CSMD2: variants seen among roughly 807,000 people sequenced by gnomAD.
The protein encoded by CSMD2 is CUB and Sushi multiple domains 2, also known as CUB and sushi domain-containing protein 2.
CSMD2 carries 130 observed loss-of-function variants against 398.5 expected under a neutral mutation model. That is an observed-to-expected ratio of 0.33 (90% confidence interval 0.28 to 0.38). The LOEUF (loss-of-function observed/expected upper bound fraction) is 0.38, where lower values mean the gene tolerates loss of function less well. Ranked by LOEUF, CSMD2 falls within the 10% of genes least tolerant of loss-of-function variation. The pLI is 1.00. For synonymous variants in CSMD2, 1,828 were observed against 1,908.5 expected (o/e 0.96, Z 1.10); for missense variants, 3,829 against 4,764.9 (o/e 0.80, Z 5.78).
At chr1:33,974,899 T>C (rs553435552) in intron 3 of CSMD2, among the ~76,000 whole-genome samples, 1 of 152,310 alleles carries the variant, frequency 6.6e-6, no homozygotes, top group South Asian at 2.1e-4. Flanking sequence ...TGCACACTTT[T>C]CATCTTTGAG....
chr1:33,824,129 G>T (rs1034066502), intron 7 of CSMD2, among the ~76,000 whole-genome samples: 1 of 152,162 alleles, frequency 6.6e-6, no homozygotes, highest in Admixed American at 6.5e-5. Context: ...GACACAGTTG[G>T]GATAAATATT....
intron 13 of CSMD2, among the ~76,000 whole-genome samples, chr1:33,744,482 C>T (rs1293289982): frequency 6.6e-6 from 1 of 152,130 alleles, no homozygotes; most frequent in Non-Finnish European, 1.5e-5. Context: ...CTATTTCACC[C>T]TAAGGATCCA....
Position 33,716,270 on chromosome 1 carries a change from C to A in CSMD2, c.3217+16G>T. 2 of 1,598,896 alleles carry A rather than the reference C, an allele frequency of 1.3e-6. No homozygotes were observed. Among genetic ancestry groups the A allele is most frequent in the South Asian group, 2.2e-5 (2 of 90,758 alleles). ...CACCATGGTCTCTTCCCCTCAGGGA[C>A]CCTCATACTCTTTACCTGAGAAGGT... On this transcript the variant is annotated intron_variant, in intron 20 of 70. Coordinates refer to ENST00000373381, the MANE Select transcript of CSMD2 (RefSeq NM_001281956.2).
intron 25 of CSMD2, among the ~76,000 whole-genome samples, chr1:33,663,599 C>G (rs1276997210): frequency 6.6e-6 from 1 of 152,158 alleles, no homozygotes; most frequent in Non-Finnish European, 1.5e-5. Context: ...CTTGCTTTCC[C>G]AGAGCAGAAT....
chr1:33,889,050 G>A lies in CSMD2; in HGVS notation c.920+29044C>T, dbSNP rs958217234. Among the ~76,000 whole-genome samples, 9 of 152,270 alleles carry A rather than the reference G, an allele frequency of 5.9e-5. No homozygotes were observed. The South Asian group carries it at 8.3e-4, about 14-fold the overall frequency. ...CTCCCAAAGTGCTGGGATTACAGGC[G>A]TGAGCCACTGCGCCCGGCCAAGATC... On this transcript the variant is annotated intron_variant, in intron 5 of 70. Transcript: ENST00000373381.
chr1:33,748,493 A>G (rs1254870582), intron 13 of CSMD2, among the ~76,000 whole-genome samples: 1 of 152,214 alleles, frequency 6.6e-6, no homozygotes, highest in East Asian at 1.9e-4. Context: ...ATGTGTAATT[A>G]CTGTGCATTA....
intron 25 of CSMD2, among the ~76,000 whole-genome samples, chr1:33,668,043 G>A (rs1052712935): frequency 6.6e-5 from 10 of 152,174 alleles, no homozygotes; most frequent in Non-Finnish European, 1.0e-4. Context: ...CAGAGTGGCC[G>A]GAGAAGACCT....
rs1472670528 is a variant in CSMD2 at position 33,551,552 on chromosome 1, T to C, written c.8744-1202A>G. ...AGGTGACCAAGTGGTAAAACCTGGG[T>C]TGGGCCAGTGCTGACCCTGATGATG... On this transcript the variant is annotated intron_variant, in intron 55 of 70. Transcript: ENST00000373381. Among the ~76,000 whole-genome samples the C allele has an allele frequency of 2.3e-4, 35 of 152,204 alleles. 1 individual carries two copies. The highest frequency in any genetic ancestry group is 2.3e-3 in the Admixed American group (35 of 15,266).
intron 6 of CSMD2, chr1:33,839,131 A>G (rs1004190227): frequency 3.3e-5 from 5 of 152,258 alleles, no homozygotes; most frequent in African/African-American, 1.2e-4. Flanking sequence ...TACTGAATGA[A>G]TTAGACAACA....
Position 33,519,748 on chromosome 1 carries a change from G to A in CSMD2, c.10736+64C>T. On this transcript the variant is annotated intron_variant, in intron 69 of 70. Coordinates refer to ENST00000373381, the MANE Select transcript of CSMD2 (RefSeq NM_001281956.2). The surrounding 1 kb of genome is among the most constrained non-coding windows in gnomAD (Gnocchi z 5.6). ...AGAGAGGCTTAGGGGTCTGGTGCGG[G>A]GGGCCCTGGAGGGAGAGAGGGAGGC... The A allele has an allele frequency of 6.2e-7, 1 of 1,612,834 alleles. No individual in the cohort carries two copies. The highest frequency in any genetic ancestry group is 8.5e-7 in the Non-Finnish European group (1 of 1,179,044).
intron 2 of CSMD2, among the ~76,000 whole-genome samples, chr1:34,061,535 C>T (rs1015665441): frequency 2.9e-5 from 4 of 136,716 alleles, no homozygotes; most frequent in African/African-American, 6.1e-5. Context: ...CTACCTGACT[C>T]ATGGGCTCAA....
intron 5 of CSMD2, among the ~76,000 whole-genome samples, chr1:33,916,608 C>T (rs144901712): frequency 3.7e-4 from 56 of 152,300 alleles, no homozygotes; most frequent in Non-Finnish European, 6.0e-4. Flanking sequence ...ATGACCTGGC[C>T]AGCTTCCTGT....
rs1163654944 is a variant in CSMD2 at position 34,163,358 on chromosome 1, G to C, written c.187+1553C>G. Reference sequence around the variant, plus strand: ...CGCGCACCGCGGGCGCCCCTCTCTGGGTGTCGGTGGCTATGACTCTTAGCA... The same window carrying C: ...CGCGCACCGCGGGCGCCCCTCTCTGCGTGTCGGTGGCTATGACTCTTAGCA... On this transcript the variant is annotated intron_variant, in intron 1 of 70. Transcript: ENST00000373381. The surrounding 1 kb of genome is among the most constrained non-coding windows in gnomAD (Gnocchi z 5.4). Among the ~76,000 whole-genome samples, 1 of 152,194 alleles carries C rather than the reference G, an allele frequency of 6.6e-6. No homozygotes were observed. The highest frequency in any genetic ancestry group is 1.5e-5 in the Non-Finnish European group (1 of 68,032).
intron 56 of CSMD2, among the ~76,000 whole-genome samples, chr1:33,547,391 C>T (rs919151218): frequency 2.0e-5 from 3 of 152,210 alleles, no homozygotes; most frequent in Admixed American, 1.3e-4. Flanking sequence ...TAAATGACAA[C>T]TGCATGAAAA....
At chr1:34,126,900 GAC>G (rs1406671835) in intron 1 of CSMD2, among the ~76,000 whole-genome samples, 3 of 151,960 alleles carry the variant, frequency 2.0e-5, no homozygotes, top group Non-Finnish European at 4.4e-5. Context: ...TAGAAAGAAA[GAC>G]AGAGCAGAGA....
At chr1:34,103,049 A>G (rs1660139388) in intron 1 of CSMD2, among the ~76,000 whole-genome samples, 1 of 152,272 alleles carries the variant, frequency 6.6e-6, no homozygotes, top group South Asian at 2.1e-4. Flanking sequence ...GGTTGAATGA[A>G]TGAATAAATG....
intron 48 of CSMD2, 87 bp from the exon 49 acceptor site, chr1:33,577,571 C>G (rs982952930): frequency 2.0e-6 from 2 of 1,016,536 alleles, no homozygotes; most frequent in South Asian, 1.9e-5. Context: ...CTTTCGTCTC[C>G]CCCCCATCCC....
rs78487871 is a variant in CSMD2 at position 33,928,025 on chromosome 1, G to A, written c.712+7735C>T. 6.8e-3 allele frequency among the ~76,000 whole-genome samples: 1,038 copies of A among 152,314 alleles called. 11 individuals are homozygous for A. Among genetic ancestry groups the A allele is most frequent in the African/African-American group, 0.024 (984 of 41,570 alleles). ...AGACTGCCAGTCCCTGACTGGTGGAGCCATGCAGGGGATGCCTGCACCTGC... is the reference window on the plus strand; with the variant it reads ...AGACTGCCAGTCCCTGACTGGTGGAACCATGCAGGGGATGCCTGCACCTGC... On this transcript the variant is annotated intron_variant, in intron 4 of 70. Transcript: ENST00000373381.
At position 34,003,572 on chromosome 1, in the gene CSMD2, C is replaced by T. The variant is rs76175087; in HGVS notation, c.517+29022G>A. Among the ~76,000 whole-genome samples, 99 of 152,282 alleles carry T rather than the reference C, an allele frequency of 6.5e-4. 1 individual carries two copies. Among genetic ancestry groups the T allele is most frequent in the Admixed American group, 1.8e-3 (28 of 15,286 alleles). On this transcript the variant is annotated intron_variant, in intron 3 of 70. Coordinates refer to ENST00000373381, the MANE Select transcript of CSMD2 (RefSeq NM_001281956.2). ...GCTAAGCATTCCCATGCATTATCTTCACAGGAGGATGCAGTCTCTCTCTGG... is the reference window on the plus strand; with the variant it reads ...GCTAAGCATTCCCATGCATTATCTTTACAGGAGGATGCAGTCTCTCTCTGG...
Sources: gnomAD v4.1 joint callset for allele counts (sites outside exome capture counted in the v4.1 genomes callset) on GRCh38, gnomAD v4.1.1 for gene constraint, Gnocchi (gnomAD v3.1) non-coding constraint, MANE v1.5 for transcripts, NCBI Gene and HGNC (gene_info 2026-07-23, HGNC 2026-07-21) for gene names.